Variants in SLC45A4 observed in about 807,000 individuals in gnomAD.
SLC45A4 encodes solute carrier family 45 member 4, also known as polyamine-transporter SLC45A4.
A neutral mutation model predicts 63.7 loss-of-function variants in SLC45A4; 32 were observed. The observed-to-expected ratio is 0.50, with a 90% CI of 0.38 to 0.67. The LOEUF (loss-of-function observed/expected upper bound fraction) is 0.67, where lower values mean the gene tolerates loss of function less well. Ranked by LOEUF, SLC45A4 falls within the 30% of genes least tolerant of loss-of-function variation. The pLI, the probability that SLC45A4 is intolerant of heterozygous loss-of-function variation, is 0.00. For missense variants in SLC45A4, 1,027 were observed against 1,157.7 expected (o/e 0.89, Z 1.64); for synonymous variants, 535 against 510.0 (o/e 1.05, Z -0.66).
chr8:141,227,377 C>A lies in SLC45A4; in HGVS notation c.242-5612G>T, dbSNP rs1569558196. 6.6e-6 allele frequency among the ~76,000 whole-genome samples: 1 copy of A among 152,182 alleles called. No individual in the cohort carries two copies. Among genetic ancestry groups the A allele is most frequent in the South Asian group, 2.1e-4 (1 of 4,832 alleles). ...CGCCTATAAATGTTTAACAAAAGATCCGCAATGGGAACAGGAACTTGCATT... is the reference window on the plus strand; with the variant it reads ...CGCCTATAAATGTTTAACAAAAGATACGCAATGGGAACAGGAACTTGCATT... On this transcript the variant is annotated intron_variant, in intron 2 of 8. Coordinates refer to ENST00000517878, the MANE Select transcript of SLC45A4 (RefSeq NM_001286646.2). The surrounding 1 kb of genome is among the most constrained non-coding windows in gnomAD (Gnocchi z 4.4).
At position 141,218,467 on chromosome 8, in the gene SLC45A4, T is replaced by C. The variant is rs746616554; in HGVS notation, c.1173A>G (p.Thr391=). The C allele has an allele frequency of 6.2e-7, 1 of 1,613,088 alleles. No homozygotes were observed. Among genetic ancestry groups the C allele is most frequent in the East Asian group, 2.2e-5 (1 of 44,872 alleles). ...AKVPNGSGSP[T]KDALGGYTRV... The stretch of plus-strand genomic sequence containing the variant: ...TGGTGTAGCCGCCGAGGGCGTCTTT[T>C]GTGGGGGAGCCACTTCCGTTTGGGA... Residue 391 remains threonine, a synonymous_variant, in exon 5 of 9, where the codon ACA becomes ACG. Coordinates refer to ENST00000517878, the MANE Select transcript of SLC45A4 (RefSeq NM_001286646.2).
intron 1 of SLC45A4, among the ~76,000 whole-genome samples, chr8:141,273,091 C>A (rs773673882): frequency 2.0e-5 from 3 of 152,232 alleles, no homozygotes; most frequent in Non-Finnish European, 4.4e-5. Flanking sequence ...AAGAGGAAAT[C>A]ACATGAAAAC....
At chr8:141,280,619 A>G (rs1829896876) in intron 1 of SLC45A4, among the ~76,000 whole-genome samples, 1 of 152,122 alleles carries the variant, frequency 6.6e-6, no homozygotes, top group Admixed American at 6.5e-5. Context: ...GAGACTCCAA[A>G]CAGCCAGGCT....
intron 1 of SLC45A4, among the ~76,000 whole-genome samples, chr8:141,283,759 C>T (rs2154615132): frequency 6.6e-6 from 1 of 152,304 alleles, no homozygotes; most frequent in South Asian, 2.1e-4. Flanking sequence ...TCAACGGCAG[C>T]CAGGTTACAA....
At chr8:141,279,125 T>C (rs561329849) in intron 1 of SLC45A4, among the ~76,000 whole-genome samples, 13 of 152,194 alleles carry the variant, frequency 8.5e-5, no homozygotes, top group Admixed American at 5.9e-4. Flanking sequence ...CTCTGCTGGT[T>C]CTCCTCTCAC....
intron 1 of SLC45A4, among the ~76,000 whole-genome samples, chr8:141,263,425 A>ACAAT (rs1472635977): frequency 1.3e-5 from 2 of 151,866 alleles, no homozygotes; most frequent in African/African-American, 4.8e-5. Context: ...AAACTGTGAA[A>ACAAT]AAATAAATAA....
chr8:141,285,182 G>A (rs1160783292), intron 1 of SLC45A4, among the ~76,000 whole-genome samples: 3 of 152,146 alleles, frequency 2.0e-5, no homozygotes, highest in Non-Finnish European at 4.4e-5. Flanking sequence ...CCTTCAGCAC[G>A]TGGTCACTGC....
intron 1 of SLC45A4, among the ~76,000 whole-genome samples, chr8:141,289,657 A>G (rs1830276838): frequency 6.6e-6 from 1 of 152,158 alleles, no homozygotes; most frequent in Non-Finnish European, 1.5e-5. Flanking sequence ...TTCCTGTAGT[A>G]AGAGAAGCTA....
At chr8:141,305,060 C>T (rs1025596134) in intron 1 of SLC45A4, among the ~76,000 whole-genome samples, 1 of 152,130 alleles carries the variant, frequency 6.6e-6, no homozygotes, top group Non-Finnish European at 1.5e-5. Flanking sequence ...TTCATTTCCA[C>T]GAACATTAAA....
chr8:141,280,406 G>C (rs1456832576), intron 1 of SLC45A4, among the ~76,000 whole-genome samples: 1 of 152,224 alleles, frequency 6.6e-6, no homozygotes, highest in Non-Finnish European at 1.5e-5. Flanking sequence ...AAATAAAAGG[G>C]AACAAAGGAG....
chr8:141,306,526 A>C (rs1830902614), intron 1 of SLC45A4, among the ~76,000 whole-genome samples: 2 of 152,232 alleles, frequency 1.3e-5, no homozygotes, highest in Admixed American at 1.3e-4. Context: ...ACAATAATTC[A>C]AACCTAGCAG....
rs912079990 is a variant in SLC45A4, at chr8:141,254,641, G to A, written c.-400-12C>T. ...AGTGACTGGATGATCTGCAAAAGAG[G>A]AAAACAACCCGGCCAGAGAGTCAGG... On this transcript the variant is annotated splice_polypyrimidine_tract_variant and intron_variant, in intron 1 of 8. Coordinates refer to ENST00000517878, the MANE Select transcript of SLC45A4 (RefSeq NM_001286646.2). This position sits in a 1 kb window ranked among gnomAD's most constrained non-coding sequence, Gnocchi z 4.5. The A allele has an allele frequency of 2.9e-6, 2 of 698,168 alleles. No homozygotes were observed. The highest frequency in any genetic ancestry group is 5.2e-6 in the Non-Finnish European group (2 of 382,598). 43.2% of individuals were successfully genotyped at this position (698,168 alleles called of 1,614,324 possible). A position where few individuals can be genotyped will look rare whatever the true frequency, so the allele number is the denominator to read the frequency against.
intron 1 of SLC45A4, among the ~76,000 whole-genome samples, chr8:141,273,538 G>A (rs78326458): frequency 6.6e-6 from 1 of 152,058 alleles, no homozygotes; most frequent in Non-Finnish European, 1.5e-5. Flanking sequence ...GAGGCAGGTC[G>A]CGTGTTCCTG....
chr8:141,245,794 G>A (rs1047776712), intron 2 of SLC45A4, among the ~76,000 whole-genome samples: 1 of 152,220 alleles, frequency 6.6e-6, no homozygotes, highest in East Asian at 1.9e-4. Flanking sequence ...ATCGCAGGCA[G>A]TGTCACCACT....
intron 7 of SLC45A4, 104 bp from the exon 8 acceptor site, chr8:141,212,660 T>TCATGG: frequency 1.5e-6 from 2 of 1,376,584 alleles, no homozygotes; most frequent in South Asian, 2.9e-5. Context: ...ACATGACCCG[T>TCATGG]CTTCCACCGA....
At chr8:141,212,142 G>T in intron 8 of SLC45A4, 55 bp downstream of exon 8, 1 of 491,694 alleles carries the variant, frequency 2.0e-6, no homozygotes. Context: ...CCCGCCGCCC[G>T]CCCGCCCGCC....
intron 1 of SLC45A4, among the ~76,000 whole-genome samples, chr8:141,270,976 T>C (rs1327448289): frequency 6.6e-6 from 1 of 152,138 alleles, no homozygotes; most frequent in Non-Finnish European, 1.5e-5. Context: ...CAGAAGGACC[T>C]ATAAATGAGC....
In SLC45A4 at chr8:141,227,320, C is replaced by CG. The variant is rs1827068454; in HGVS notation, c.242-5556dup. ...GGACTTTCTGGTGAGGGGAGACTGG[C>CG]GGGGGGTGGGGAGGGCAAGGAGTGG... On this transcript the variant is annotated intron_variant, in intron 2 of 8. Coordinates refer to ENST00000517878, the MANE Select transcript of SLC45A4 (RefSeq NM_001286646.2). The surrounding 1 kb of genome is among the most constrained non-coding windows in gnomAD (Gnocchi z 4.4). 1.3e-5 allele frequency among the ~76,000 whole-genome samples: 2 copies of CG among 150,104 alleles called. No individual in the cohort carries two copies. Among genetic ancestry groups the CG allele is most frequent in the South Asian group, 2.1e-4 (1 of 4,718 alleles).
chr8:141,243,579 AG>A (rs373028379), intron 2 of SLC45A4, among the ~76,000 whole-genome samples: 2 of 152,308 alleles, frequency 1.3e-5, no homozygotes, highest in East Asian at 3.9e-4. Flanking sequence ...TAGGAGGTCA[AG>A]GCTGCAGTGA....
Sources: gnomAD v4.1 joint callset for allele counts (sites outside exome capture counted in the v4.1 genomes callset) on GRCh38, gnomAD v4.1.1 for gene constraint, Gnocchi (gnomAD v3.1) non-coding constraint, MANE v1.5 for transcripts, NCBI Gene and HGNC (gene_info 2026-07-23, HGNC 2026-07-21) for gene names.